The following RBM10 variants were observed in gnomAD, a reference collection of about 807,000 sequenced individuals.
RBM10 encodes RNA-binding protein 10.
RBM10 carries 1 observed loss-of-function variant against 84.9 expected under a neutral mutation model. The observed-to-expected ratio is 0.01, with a 90% CI of 0.00 to 0.06. The LOEUF (loss-of-function observed/expected upper bound fraction) is 0.06. Ranked by LOEUF, RBM10 falls within the 10% of genes least tolerant of loss-of-function variation. The pLI is 1.00. For synonymous variants in RBM10, 326 were observed against 344.5 expected (o/e 0.95, Z 0.60); for missense variants, 438 against 839.0 (o/e 0.52, Z 5.90).
intron 2 of RBM10, among the ~76,000 whole-genome samples, chrX:47,160,001 G>A (rs182241614): frequency 8.9e-6 from 1 of 112,018 alleles, no homozygotes; most frequent in East Asian, 2.8e-4. Context: ...GCCAGGCGTG[G>A]TGGCGCATGC....
intron 4 of RBM10, among the ~76,000 whole-genome samples, chrX:47,171,755 C>T (rs1233556437): frequency 8.9e-6 from 1 of 112,164 alleles, no homozygotes; most frequent in African/African-American, 3.2e-5. Context: ...ACAGCCTCCA[C>T]GCCTGCCTCC....
intron 3 of RBM10, 118 bp from the exon 4 acceptor site, chrX:47,170,910 G>A (rs994570211): frequency 5.4e-6 from 4 of 737,100 alleles, no homozygotes; most frequent in African/African-American, 2.1e-5. Context: ...GCCTTTAGCC[G>A]GAGCCCGCAC....
chrX:47,166,405 A>G (rs1934207464), intron 2 of RBM10, among the ~76,000 whole-genome samples: 1 of 111,975 alleles, frequency 8.9e-6, no homozygotes. Context: ...CCTTGTCTCA[A>G]GTAAAATAAA....
chrX:47,150,061 A>T (rs961631947), intron 2 of RBM10, among the ~76,000 whole-genome samples: 1 of 110,458 alleles, frequency 9.1e-6, no homozygotes, highest in Non-Finnish European at 1.9e-5. Flanking sequence ...ACCTCAGGTG[A>T]TCCGCCTGCC....
At chrX:47,178,912 T>C (rs1337883095) in intron 7 of RBM10, among the ~76,000 whole-genome samples, 191 bp from the exon 8 acceptor site, 1 of 111,070 alleles carries the variant, frequency 9.0e-6, no homozygotes, top group East Asian at 2.9e-4. Context: ...AGAGGACAAA[T>C]GAGAGTCTGG....
At chrX:47,148,492 A>G (rs1216191870) in intron 2 of RBM10, among the ~76,000 whole-genome samples, 2 of 111,292 alleles carry the variant, frequency 1.8e-5, no homozygotes, top group African/African-American at 3.3e-5. Flanking sequence ...GGTTTCTGTC[A>G]TAGGTCAGCA....
chrX:47,153,894 C>CA (rs1556764352), intron 2 of RBM10, among the ~76,000 whole-genome samples: 1 of 110,663 alleles, frequency 9.0e-6, no homozygotes. Flanking sequence ...TCTGTCTCTA[C>CA]AAAAAATACA....
intron 23 of RBM10, 28 bp downstream of exon 23, chrX:47,186,415 C>T (rs2147227710): frequency 8.4e-7 from 1 of 1,197,024 alleles, no homozygotes. Context: ...CTGTCCCATC[C>T]CCCAGCACCC....
At chrX:47,182,423 C>T (rs947532971) in intron 17 of RBM10, 97 bp downstream of exon 17, 72 of 1,108,500 alleles carry the variant, frequency 6.5e-5, no homozygotes, top group Admixed American at 7.8e-5. Context: ...AGGGAGATGG[C>T]GGGCAGGTGT....
intron 2 of RBM10, among the ~76,000 whole-genome samples, chrX:47,161,186 C>G (rs147136182): frequency 1.6e-4 from 18 of 111,039 alleles, no homozygotes; most frequent in Non-Finnish European, 2.3e-4. Flanking sequence ...AAGGGTTACT[C>G]CTGCCTTGGC....
chrX:47,159,421 A>AG (rs1933476019), intron 2 of RBM10, among the ~76,000 whole-genome samples: 1 of 110,020 alleles, frequency 9.1e-6, no homozygotes, highest in African/African-American at 3.3e-5. Flanking sequence ...AAAAAAAAAA[A>AG]AAAAAAAGTG....
intron 2 of RBM10, among the ~76,000 whole-genome samples, chrX:47,152,503 A>G (rs186909153): frequency 0.012 from 1,118 of 94,939 alleles, 4 homozygotes; most frequent in Middle Eastern, 0.028. Flanking sequence ...CTGGAGTGCA[A>G]TGGCGTGATC....
At chrX:47,150,937 C>T (rs1242471138) in intron 2 of RBM10, among the ~76,000 whole-genome samples, 2 of 111,773 alleles carry the variant, frequency 1.8e-5, no homozygotes, top group Non-Finnish European at 3.8e-5. Context: ...CATCTAAGAC[C>T]TTTGTAGAGA....
intron 2 of RBM10, 126 bp from the exon 3 acceptor site, chrX:47,169,189 C>T (rs1556770468): frequency 1.9e-6 from 1 of 532,882 alleles, no homozygotes; most frequent in Non-Finnish European, 3.0e-6. Flanking sequence ...ATCAGAAGGG[C>T]ACCTCACTTC....
intron 2 of RBM10, among the ~76,000 whole-genome samples, chrX:47,168,626 A>C (rs1934411786): frequency 9.0e-6 from 1 of 111,531 alleles, no homozygotes; most frequent in Non-Finnish European, 1.9e-5. Context: ...GAGAAATTTT[A>C]ATGAAAGAGC....
Position 47,180,250 on chromosome X carries a change from C to T in RBM10, c.1101C>T (p.His367=), listed in dbSNP as rs2147177138. ...TGCTGCAGATCCTGCAGGCCCTGCA[C>T]CCACCACTCACTATCGACGGCAAGA... The part of the protein sequence containing the change: ...AQLLQILQAL[H]PPLTIDGKTI... Residue 367 remains histidine (H), a synonymous_variant, in exon 11 of 24, where the codon CAC becomes CAT. Transcript: ENST00000377604. 2 of 1,204,897 alleles carry T rather than the reference C, an allele frequency of 1.7e-6. No individual in the cohort carries two copies. Among genetic ancestry groups the T allele is most frequent in the South Asian group, 1.8e-5 (1 of 55,878 alleles).
At chrX:47,174,035 G>GC (rs1300359512) in intron 5 of RBM10, among the ~76,000 whole-genome samples, 7 of 97,500 alleles carry the variant, frequency 7.2e-5, no homozygotes, top group Admixed American at 2.3e-4. Context: ...CATTAAGCAT[G>GC]CCCCCCCAAG....
intron 12 of RBM10, 123 bp from the exon 13 acceptor site, chrX:47,181,092 G>A: frequency 2.0e-6 from 1 of 494,355 alleles, no homozygotes. Context: ...TCTTAAGGCT[G>A]CATGCTTTGT....
intron 17 of RBM10, among the ~76,000 whole-genome samples, chrX:47,184,598 CCTT>C (rs1206820473): frequency 9.0e-5 from 10 of 111,033 alleles, no homozygotes; most frequent in Admixed American, 5.7e-4. Flanking sequence ...GTGTCCCTCA[CCTT>C]CTGATTGTTC....
Sources: allele counts gnomAD v4.1 joint callset (sites outside exome capture counted in the v4.1 genomes callset), GRCh38; gene constraint gnomAD v4.1.1; transcripts MANE v1.5; gene names NCBI Gene and HGNC (gene_info 2026-07-23, HGNC 2026-07-21).